FRY: variants seen among roughly 807,000 people sequenced by gnomAD.
FRY encodes the protein protein furry homolog.
FRY carries 128 observed loss-of-function variants against 348.4 expected under a neutral mutation model. That is an observed-to-expected ratio of 0.37 (90% confidence interval 0.32 to 0.43). The LOEUF (loss-of-function observed/expected upper bound fraction) is 0.43. Ranked by LOEUF, FRY falls within the 20% of genes least tolerant of loss-of-function variation. The pLI is 1.00. For missense variants in FRY, 2,736 were observed against 3,695.2 expected, an observed-to-expected ratio of 0.74 and a Z score of 6.73; for synonymous variants, 1,370 against 1,374.7, an observed-to-expected ratio of 1.00 and a Z score of 0.08.
chr13:32,047,875 G>A (rs1167408922), intron 1 of FRY, among the ~76,000 whole-genome samples: 1 of 152,160 alleles, frequency 6.6e-6, no homozygotes. Context: ...ACCCGGCCCA[G>A]TTACAGCATT....
chr13:32,135,029 G>C, intron 9 of FRY, 33 bp downstream of exon 9: 1 of 1,564,096 alleles, frequency 6.4e-7, no homozygotes, highest in South Asian at 1.1e-5. Context: ...CCTTCAAATT[G>C]TATCACAAAA....
intron 39 of FRY, among the ~76,000 whole-genome samples, chr13:32,227,791 T>G (rs180837802): frequency 1.8e-3 from 276 of 149,696 alleles, no homozygotes; most frequent in African/African-American, 6.3e-3. Context: ...TCACTCTGTC[T>G]CCCAGGCTGG....
chr13:32,297,805 T>C lies in FRY; in HGVS notation c.*2345T>C, dbSNP rs571114749. The stretch of plus-strand genomic sequence containing the variant: ...TAATGTTAATTGCCTTCCCCAGGGA[T>C]ACAAAGAAGTAGAAGTACCAAAGGA... On this transcript the variant is annotated 3_prime_UTR_variant, in exon 61 of 61. Coordinates refer to ENST00000542859, the MANE Select transcript of FRY (RefSeq NM_023037.3). 6.6e-6 allele frequency: 1 copy of C among 152,278 alleles called. No individual in the cohort carries two copies. Among genetic ancestry groups the C allele is most frequent in the Non-Finnish European group, 1.5e-5 (1 of 68,036 alleles). The allele number at this position is 152,278 out of a possible 1,614,324, so 9.4% of individuals were successfully genotyped here.
At chr13:32,043,143 G>A (rs979475674) in intron 1 of FRY, among the ~76,000 whole-genome samples, 3 of 152,184 alleles carry the variant, frequency 2.0e-5, no homozygotes, top group Non-Finnish European at 4.4e-5. Context: ...GAGAGAATGA[G>A]AGCCAAGTGA....
chr13:32,068,349 G>A (rs530040544), intron 1 of FRY, among the ~76,000 whole-genome samples: 10 of 152,256 alleles, frequency 6.6e-5, no homozygotes, highest in Non-Finnish European at 1.3e-4. Flanking sequence ...GGAGAAAAAG[G>A]AAGTTGAAAT....
intron 1 of FRY, among the ~76,000 whole-genome samples, chr13:32,065,323 T>C (rs200908299): frequency 3.9e-5 from 6 of 152,172 alleles, no homozygotes; most frequent in East Asian, 1.9e-4. Flanking sequence ...AATTTTTTTT[T>C]GAGACAGAGT....
chr13:32,043,824 G>A (rs9525679), intron 1 of FRY, among the ~76,000 whole-genome samples: 4,636 of 152,242 alleles, frequency 0.03, 80 homozygotes, highest in Non-Finnish European at 0.038. Context: ...AAAAAGAAAT[G>A]GAGTCTTTCT....
At chr13:32,275,402 T>C (rs1888487224) in intron 56 of FRY, among the ~76,000 whole-genome samples, 1 of 151,898 alleles carries the variant, frequency 6.6e-6, no homozygotes, top group African/African-American at 2.4e-5. Flanking sequence ...AATAAAAAAA[T>C]AAAGATACCT....
chr13:32,181,183 C>A (rs554669296), intron 23 of FRY, among the ~76,000 whole-genome samples: 1 of 152,258 alleles, frequency 6.6e-6, no homozygotes, highest in South Asian at 2.1e-4. Context: ...AGCCACCACG[C>A]CCAGCCCAGA....
chr13:32,149,634 G>A (rs1880677090), intron 13 of FRY, 114 bp from the exon 14 acceptor site: 2 of 709,540 alleles, frequency 2.8e-6, no homozygotes, highest in African/African-American at 1.8e-5. Context: ...ACTGAGCAGT[G>A]CCCCTCCTCT....
At chr13:32,108,920 G>A (rs926328812) in intron 3 of FRY, among the ~76,000 whole-genome samples, 1 of 152,136 alleles carries the variant, frequency 6.6e-6, no homozygotes, top group African/African-American at 2.4e-5. Flanking sequence ...GAGGTAGAAA[G>A]GGATCAGATT....
chr13:32,109,619 G>T (rs1877823660), intron 3 of FRY, among the ~76,000 whole-genome samples: 1 of 152,150 alleles, frequency 6.6e-6, no homozygotes, highest in Non-Finnish European at 1.5e-5. Flanking sequence ...GGGTAGAAAG[G>T]TGGACTGAGC....
Position 32,294,410 on chromosome 13 carries a change from C to T in FRY, c.8623C>T (p.Leu2875=), listed in dbSNP as rs763351128. The change falls in exon 60 of 61, where the codon CTG becomes TTG. Residue 2875 remains leucine (L), a synonymous_variant. Transcript: ENST00000542859. ...SRELSDLKKH[L]KEASAVIAAD... is the part of the protein sequence containing the mutation. Reference sequence around the variant, plus strand: ...GGAACTGAGTGACCTAAAGAAACACCTGAAGGAAGCCAGTGCAGTCATTGC... The same window carrying T: ...GGAACTGAGTGACCTAAAGAAACACTTGAAGGAAGCCAGTGCAGTCATTGC... 1.2e-6 allele frequency: 2 copies of T among 1,613,912 alleles called. No individual in the cohort carries two copies. The highest frequency in any genetic ancestry group is 1.7e-5 in the Admixed American group (1 of 59,992).
intron 7 of FRY, among the ~76,000 whole-genome samples, chr13:32,126,282 T>G (rs140879005): frequency 6.6e-6 from 1 of 152,340 alleles, no homozygotes; most frequent in African/African-American, 2.4e-5. Context: ...AAAAATGACT[T>G]TGTGTTTTCC....
chr13:32,059,458 C>CAAAA (rs10692049), intron 1 of FRY, among the ~76,000 whole-genome samples: 1,481 of 111,022 alleles, frequency 0.013, 27 homozygotes, highest in Middle Eastern at 0.042. Context: ...ACTTAGGAAG[C>CAAAA]AAAAAAAAAA....
intron 1 of FRY, among the ~76,000 whole-genome samples, chr13:32,076,776 A>G (rs1875088378): frequency 6.6e-6 from 1 of 152,208 alleles, no homozygotes; most frequent in South Asian, 2.1e-4. Flanking sequence ...CTGGGAGTCT[A>G]CAGTCTTATT....
At chr13:32,253,231 C>T (rs1887172679) in intron 50 of FRY, among the ~76,000 whole-genome samples, 1 of 152,180 alleles carries the variant, frequency 6.6e-6, no homozygotes, top group African/African-American at 2.4e-5. Context: ...CTCATGTACC[C>T]ATTTGCAATC....
At chr13:32,132,660 G>A (rs571248896) in intron 8 of FRY, among the ~76,000 whole-genome samples, 19 of 152,118 alleles carry the variant, frequency 1.2e-4, no homozygotes, top group African/African-American at 3.6e-4. Flanking sequence ...TAGAATTACC[G>A]TATGATCCAG....
chr13:32,110,361 A>G (rs1365280355), intron 3 of FRY, among the ~76,000 whole-genome samples: 1 of 152,198 alleles, frequency 6.6e-6, no homozygotes, highest in Non-Finnish European at 1.5e-5. Flanking sequence ...TTACAATAAA[A>G]GTCCACAGCA....
Sources: allele counts gnomAD v4.1 joint callset (sites outside exome capture counted in the v4.1 genomes callset), GRCh38; gene constraint gnomAD v4.1.1; transcripts MANE v1.5; gene names NCBI Gene and HGNC (gene_info 2026-07-23, HGNC 2026-07-21).